Variants in EFCAB6 observed in about 807,000 individuals in gnomAD.
EFCAB6 encodes EF-hand calcium-binding domain-containing protein 6.
A neutral mutation model predicts 169.8 loss-of-function variants in EFCAB6; 156 were observed. That is an observed-to-expected ratio of 0.92 (90% confidence interval 0.81 to 1.05). The LOEUF is 1.05. EFCAB6 is among the 50% of genes least tolerant of loss of function. The pLI is 0.00. For synonymous variants in EFCAB6, 698 were observed against 676.4 expected (o/e 1.03, Z -0.50); for missense variants, 1,800 against 1,829.1 (o/e 0.98, Z 0.29).
At chr22:43,729,285 G>C (rs1310649671) in intron 8 of EFCAB6, among the ~76,000 whole-genome samples, 1 of 152,142 alleles carries the variant, frequency 6.6e-6, no homozygotes, top group Non-Finnish European at 1.5e-5. Flanking sequence ...AATAGAGACA[G>C]GGTCTTGCTA....
chr22:43,674,555 G>A (rs1278855429), intron 13 of EFCAB6, among the ~76,000 whole-genome samples: 1 of 152,196 alleles, frequency 6.6e-6, no homozygotes, highest in Non-Finnish European at 1.5e-5. Context: ...TGAGGAACTG[G>A]ATAAGGAGGC....
At chr22:43,558,206 G>A (rs2147098243) in intron 26 of EFCAB6, among the ~76,000 whole-genome samples, 1 of 152,312 alleles carries the variant, frequency 6.6e-6, no homozygotes, top group African/African-American at 2.4e-5. Flanking sequence ...GGATATGACT[G>A]TATAGGTAGA....
chr22:43,609,347 A>G (rs1383729138), intron 21 of EFCAB6, among the ~76,000 whole-genome samples: 1 of 152,208 alleles, frequency 6.6e-6, no homozygotes, highest in Admixed American at 6.5e-5. Context: ...GAAAAAGGAT[A>G]AAAGGTGTAA....
chr22:43,806,532 C>CA (rs1389336235), intron 2 of EFCAB6, among the ~76,000 whole-genome samples: 11 of 152,122 alleles, frequency 7.2e-5, no homozygotes, highest in Admixed American at 7.2e-4. Flanking sequence ...AGGTATGAGC[C>CA]ACTGCACCAG....
chr22:43,543,554 G>A (rs561343180), intron 27 of EFCAB6, among the ~76,000 whole-genome samples: 2 of 152,306 alleles, frequency 1.3e-5, no homozygotes, highest in South Asian at 2.1e-4. Flanking sequence ...GGCTCTGGGG[G>A]AGGGGAAGGA....
At chr22:43,794,541 T>G (rs2062427155) in intron 2 of EFCAB6, among the ~76,000 whole-genome samples, 1 of 152,202 alleles carries the variant, frequency 6.6e-6, no homozygotes, top group Non-Finnish European at 1.5e-5. Context: ...TGTAAACAGA[T>G]AAGAGTAATG....
intron 24 of EFCAB6, among the ~76,000 whole-genome samples, chr22:43,582,096 G>C (rs1350337568): frequency 6.6e-6 from 1 of 152,130 alleles, no homozygotes; most frequent in African/African-American, 2.4e-5. Context: ...CGCATTGAAA[G>C]GTGGGCTTCA....
At chr22:43,758,552 G>A (rs756081048) in intron 5 of EFCAB6, among the ~76,000 whole-genome samples, 1 of 152,160 alleles carries the variant, frequency 6.6e-6, no homozygotes, top group Admixed American at 6.5e-5. Context: ...GCTGACTATT[G>A]TCTAATGTTT....
chr22:43,685,317 T>C (rs535995517), intron 11 of EFCAB6, among the ~76,000 whole-genome samples: 26 of 151,730 alleles, frequency 1.7e-4, no homozygotes, highest in Admixed American at 1.6e-3. Context: ...TGGAGATTAG[T>C]GTGTGGGTCT....
chr22:43,652,427 A>C (rs1391639446), intron 17 of EFCAB6, among the ~76,000 whole-genome samples: 1 of 152,022 alleles, frequency 6.6e-6, no homozygotes, highest in East Asian at 1.9e-4. Flanking sequence ...TTCTTTTGTA[A>C]ATTTTTCAGT....
intron 17 of EFCAB6, among the ~76,000 whole-genome samples, chr22:43,647,709 G>C (rs928083409): frequency 5.3e-5 from 8 of 152,144 alleles, no homozygotes; most frequent in Non-Finnish European, 1.0e-4. Context: ...AGAGAAATTT[G>C]GACAGAGGCA....
chr22:43,637,389 A>C (rs947461343), intron 17 of EFCAB6, among the ~76,000 whole-genome samples: 1 of 152,362 alleles, frequency 6.6e-6, no homozygotes, highest in South Asian at 2.1e-4. Context: ...GAAGAGGACC[A>C]GGGAGCTGGC....
At chr22:43,577,634 T>C (rs2050345545) in intron 25 of EFCAB6, among the ~76,000 whole-genome samples, 1 of 152,130 alleles carries the variant, frequency 6.6e-6, no homozygotes, top group South Asian at 2.1e-4. Flanking sequence ...AATGCCCCCA[T>C]CCAGGTACCT....
At chr22:43,770,139 G>A (rs1406591493) in intron 4 of EFCAB6, among the ~76,000 whole-genome samples, 3 of 152,070 alleles carry the variant, frequency 2.0e-5, no homozygotes, top group Non-Finnish European at 4.4e-5. Context: ...CTACAGGCAT[G>A]AGCCACCGTA....
chr22:43,605,696 G>C (rs565548346), intron 22 of EFCAB6, among the ~76,000 whole-genome samples: 1 of 152,226 alleles, frequency 6.6e-6, no homozygotes, highest in East Asian at 1.9e-4. Flanking sequence ...CTGGACGGTG[G>C]TGACAGCTGC....
At chr22:43,776,149 C>T (rs1183000230) in intron 3 of EFCAB6, among the ~76,000 whole-genome samples, 1 of 152,352 alleles carries the variant, frequency 6.6e-6, no homozygotes, top group East Asian at 1.9e-4. Flanking sequence ...AAGTTGAATA[C>T]ATGCTCTGGA....
At chr22:43,762,230 T>G (rs1569476710) in intron 5 of EFCAB6, among the ~76,000 whole-genome samples, 1 of 152,204 alleles carries the variant, frequency 6.6e-6, no homozygotes, top group Non-Finnish European at 1.5e-5. Flanking sequence ...TACCCTTTTG[T>G]GATGAAGGTT....
At chr22:43,691,658 T>C (rs1284579142) in intron 10 of EFCAB6, among the ~76,000 whole-genome samples, 1 of 152,122 alleles carries the variant, frequency 6.6e-6, no homozygotes, top group Non-Finnish European at 1.5e-5. Flanking sequence ...AAACAACAGA[T>C]TAATAAAATT....
rs1206384890 is a variant in EFCAB6, at chr22:43,617,761, C to T, written c.2466-1839G>A. ...GCAATGTGGACAGAGTCCACATTCC[C>T]AAGGAGCTTACACTGTGATGGAGAA... On this transcript the variant is annotated intron_variant, in intron 20 of 31. Coordinates refer to ENST00000262726, the MANE Select transcript of EFCAB6 (RefSeq NM_022785.4). Among the ~76,000 whole-genome samples, 4 of 152,102 alleles carry T rather than the reference C, an allele frequency of 2.6e-5. No individual in the cohort carries two copies. In the East Asian group the frequency reaches 7.7e-4, roughly 29 times the overall value.
Sources: allele counts gnomAD v4.1 joint callset (sites outside exome capture counted in the v4.1 genomes callset), GRCh38; gene constraint gnomAD v4.1.1; transcripts MANE v1.5; gene names NCBI Gene and HGNC (gene_info 2026-07-23, HGNC 2026-07-21).